The following FGF14 variants were observed in gnomAD, a reference collection of about 807,000 sequenced individuals.
The protein encoded by FGF14 is fibroblast growth factor 14.
A neutral mutation model predicts 25.5 loss-of-function variants in FGF14; 5 were observed. The observed-to-expected ratio is 0.20, with a 90% confidence interval of 0.10 to 0.41. The LOEUF (loss-of-function observed/expected upper bound fraction) is 0.41. Among genes scored for constraint, FGF14 ranks in the 10% least tolerant of loss-of-function variants. The probability of loss-of-function intolerance (pLI) is 1.00; values close to 1 mark genes in which losing one functional copy is unlikely to be tolerated. For synonymous variants in FGF14, 138 were observed against 118.3 expected (o/e 1.17, Z -1.08); for missense variants, 222 against 320.1 (o/e 0.69, Z 2.34).
intron 3 of FGF14, among the ~76,000 whole-genome samples, chr13:101,814,409 TCAC>T (rs1351290892): frequency 6.6e-6 from 1 of 152,238 alleles, no homozygotes; most frequent in Non-Finnish European, 1.5e-5. Context: ...AAATGTATCT[TCAC>T]AATATTTAAC....
intron 1 of FGF14, among the ~76,000 whole-genome samples, chr13:101,909,685 G>C (rs9518597): frequency 6.6e-6 from 1 of 151,936 alleles, no homozygotes; most frequent in Non-Finnish European, 1.5e-5. Context: ...TCAGTGTGGC[G>C]ATTCCTCAGG....
chr13:101,952,842 C>G (rs1359197989), intron 1 of FGF14, among the ~76,000 whole-genome samples: 1 of 152,074 alleles, frequency 6.6e-6, no homozygotes, highest in African/African-American at 2.4e-5. Flanking sequence ...ACTAGCCTGA[C>G]CAACATGGTG....
intron 2 of FGF14, among the ~76,000 whole-genome samples, chr13:101,873,574 T>C (rs557289329): frequency 6.6e-6 from 1 of 152,024 alleles, no homozygotes; most frequent in Admixed American, 6.6e-5. Context: ...TATGAATCGC[T>C]AAACTTTGTG....
chr13:102,033,993 G>T (rs2041345063), intron 1 of FGF14, among the ~76,000 whole-genome samples: 1 of 151,994 alleles, frequency 6.6e-6, no homozygotes. Context: ...GAAAAGTGAG[G>T]ACCGCACAGC....
intron 1 of FGF14, among the ~76,000 whole-genome samples, chr13:102,260,567 C>A (rs1428566766): frequency 1.3e-5 from 2 of 152,256 alleles, no homozygotes; most frequent in Non-Finnish European, 2.9e-5. Context: ...TTCACTACAA[C>A]ATGCTAATAG....
intron 3 of FGF14, among the ~76,000 whole-genome samples, chr13:101,797,734 G>GAC (rs879677763): frequency 7.1e-6 from 1 of 140,244 alleles, no homozygotes; most frequent in Non-Finnish European, 1.6e-5. Flanking sequence ...GTCATGAATT[G>GAC]ATGTGTGTGT....
Position 102,371,644 on chromosome 13 carries a change from T to C in FGF14, c.208+29827A>G, listed in dbSNP as rs1212066035. Among the ~76,000 whole-genome samples, 3 of 152,136 alleles carry C rather than the reference T, an allele frequency of 2.0e-5. 1 individual carries two copies. Among genetic ancestry groups the C allele is most frequent in the South Asian group, 4.1e-4 (2 of 4,824 alleles). Reference sequence around the variant, plus strand: ...GGACAGAGATTTGCTCTTATTTTTATACCCTTAGCACTAAGCACAATTCTT... The same window carrying C: ...GGACAGAGATTTGCTCTTATTTTTACACCCTTAGCACTAAGCACAATTCTT... On this transcript the variant is annotated intron_variant, in intron 1 of 4. Coordinates refer to the FGF14 transcript ENST00000376131.
chr13:101,878,836 T>C lies in FGF14; in HGVS notation c.194-3540A>G, dbSNP rs1369039532. 2.0e-5 allele frequency among the ~76,000 whole-genome samples: 3 copies of C among 152,070 alleles called. No individual in the cohort carries two copies. The South Asian group carries it at 6.2e-4, about 31-fold the overall frequency. On this transcript the variant is annotated intron_variant, in intron 1 of 4. Transcript: ENST00000376143. ...CATGTGTAAGACAAACATGTATTAA[T>C]GTAATATGTAAAAATACATGTAATA...
chr13:102,299,189 T>G (rs2054892613), intron 1 of FGF14, among the ~76,000 whole-genome samples: 1 of 152,160 alleles, frequency 6.6e-6, no homozygotes, highest in African/African-American at 2.4e-5. Flanking sequence ...CAAATGAAAT[T>G]CAACGGTTAT....
Position 101,932,769 on chromosome 13 carries a change from A to AG in FGF14, c.209-57474_209-57473insC, listed in dbSNP as rs764403281. Among the ~76,000 whole-genome samples the AG allele has an allele frequency of 7.1e-4, 108 of 151,490 alleles. 1 individual carries two copies. Among genetic ancestry groups the AG allele is most frequent in the South Asian group, 1.3e-3 (6 of 4,798 alleles). ...TTAAAATTACAGTAAAAAAAAAAAA[A>AG]AAAAAAGCACTGAGAAAAAATTATG... On this transcript the variant is annotated intron_variant, in intron 1 of 4. Coordinates refer to the FGF14 transcript ENST00000376131.
At position 101,715,360 on chromosome 13, in the gene FGF14, C is replaced by T; in HGVS notation, c.*7471G>A. The T allele has an allele frequency of 1.8e-6, 1 of 557,902 alleles. No individual in the cohort carries two copies. Among genetic ancestry groups the T allele is most frequent in the Non-Finnish European group, 3.2e-6 (1 of 311,324 alleles). 34.6% of individuals were successfully genotyped at this position (557,902 alleles called of 1,614,324 possible). A position where few individuals can be genotyped will look rare whatever the true frequency, so the allele number is the denominator to read the frequency against. On this transcript the variant is annotated 3_prime_UTR_variant, in exon 5 of 5. Coordinates refer to ENST00000376143, the MANE Select transcript of FGF14 (RefSeq NM_004115.4). ...CTATCTGATCGGTAAAGGGTGGCAC[C>T]AAATAAATGCCACTAATTGTTTGAA...
At chr13:102,143,822 A>C (rs1045047515) in intron 1 of FGF14, among the ~76,000 whole-genome samples, 2 of 152,144 alleles carry the variant, frequency 1.3e-5, no homozygotes, top group African/African-American at 4.8e-5. Flanking sequence ...GATCTTCCAG[A>C]GCCTGGGGGA....
intron 1 of FGF14, among the ~76,000 whole-genome samples, chr13:101,943,906 G>A (rs2035629981): frequency 6.7e-6 from 1 of 148,796 alleles, no homozygotes; most frequent in Non-Finnish European, 1.5e-5. Flanking sequence ...GGAGGCTGAG[G>A]CAGGAGAATC....
chr13:102,327,365 T>C (rs1384894191), intron 1 of FGF14, among the ~76,000 whole-genome samples: 3 of 152,382 alleles, frequency 2.0e-5, no homozygotes, highest in African/African-American at 7.2e-5. Flanking sequence ...CTAATTATTA[T>C]TGTTATCTCG....
chr13:102,085,461 G>C (rs1192279548), intron 1 of FGF14, among the ~76,000 whole-genome samples: 1 of 152,054 alleles, frequency 6.6e-6, no homozygotes, highest in Non-Finnish European at 1.5e-5. Context: ...TCAATTTATT[G>C]TCCCTGTTAT....
At position 101,911,962 on chromosome 13, in the gene FGF14, G is replaced by A. The variant is rs1253104001; in HGVS notation, c.193+4491C>T. Among the ~76,000 whole-genome samples, 7 of 149,756 alleles carry A rather than the reference G, an allele frequency of 4.7e-5. No homozygotes were observed. In the East Asian group the frequency reaches 1.4e-3, roughly 29 times the overall value. ...AAACAAGCATGTGGTCTTTGTATGA[G>A]CACATGGTAATGACACTAAAACAGT... is the stretch of plus-strand genomic sequence containing the variant. On this transcript the variant is annotated intron_variant, in intron 1 of 4. Coordinates refer to ENST00000376143, the MANE Select transcript of FGF14 (RefSeq NM_004115.4).
At chr13:102,274,361 CTG>C (rs551228186) in intron 1 of FGF14, among the ~76,000 whole-genome samples, 150 of 152,262 alleles carry the variant, frequency 9.9e-4, no homozygotes, top group African/African-American at 3.5e-3. Flanking sequence ...CTGCATGTAT[CTG>C]TGGCAACATT....
chr13:101,854,732 C>T (rs982355253), intron 3 of FGF14, among the ~76,000 whole-genome samples: 1 of 152,000 alleles, frequency 6.6e-6, no homozygotes, highest in East Asian at 1.9e-4. Context: ...TTGAGCTGGG[C>T]ATTTTCTCCT....
chr13:102,032,814 A>G (rs1183247357), intron 1 of FGF14, among the ~76,000 whole-genome samples: 1 of 152,106 alleles, frequency 6.6e-6, no homozygotes, highest in Non-Finnish European at 1.5e-5. Context: ...GACCATGGGG[A>G]AGGCAGCAGT....
Sources: allele counts gnomAD v4.1 joint callset (sites outside exome capture counted in the v4.1 genomes callset), GRCh38; gene constraint gnomAD v4.1.1; transcripts MANE v1.5; gene names NCBI Gene and HGNC (gene_info 2026-07-23, HGNC 2026-07-21).